ACAD11: variants seen among roughly 807,000 people sequenced by gnomAD.
ACAD11 encodes acyl-CoA dehydrogenase family member 11.
Under a neutral mutation model 102.2 loss-of-function variants are expected in ACAD11, and 83 were observed. The ratio of observed to expected loss-of-function variants is 0.81; its 90% CI spans 0.68 to 0.97. ACAD11 has a LOEUF of 0.97. Among genes scored for constraint, ACAD11 ranks in the 50% least tolerant of loss-of-function variants. ACAD11 has a pLI of 0.00. For synonymous variants in ACAD11, 324 were observed against 319.8 expected (o/e 1.01, Z -0.14); for missense variants, 901 against 951.7 (o/e 0.95, Z 0.70).
chr3:132,585,853 G>A (rs574359362), intron 13 of ACAD11, among the ~76,000 whole-genome samples: 1,881 of 152,284 alleles, frequency 0.012, 38 homozygotes, highest in African/African-American at 0.043. Flanking sequence ...AGGTGCTGGA[G>A]AGGATGTGGA....
At chr3:132,621,568 C>G (rs943433316) in intron 9 of ACAD11, among the ~76,000 whole-genome samples, 1 of 152,012 alleles carries the variant, frequency 6.6e-6, no homozygotes, top group African/African-American at 2.4e-5. Flanking sequence ...AAAAGATAAA[C>G]AAAGGAAAGG....
At chr3:132,605,825 C>T (rs1938814293) in intron 11 of ACAD11, among the ~76,000 whole-genome samples, 1 of 152,230 alleles carries the variant, frequency 6.6e-6, no homozygotes, top group Non-Finnish European at 1.5e-5. Context: ...TTACCTCTAA[C>T]ATTGCTCTTA....
intron 17 of ACAD11, among the ~76,000 whole-genome samples, chr3:132,571,485 GC>G (rs1056780015): frequency 3.6e-4 from 55 of 151,888 alleles, no homozygotes; most frequent in African/African-American, 9.9e-4. Context: ...CTTTTGCCGT[GC>G]AGAAGCTCGT....
intron 13 of ACAD11, among the ~76,000 whole-genome samples, chr3:132,585,640 A>G (rs1393411099): frequency 6.6e-6 from 1 of 152,224 alleles, no homozygotes; most frequent in Non-Finnish European, 1.5e-5. Flanking sequence ...AAACAAATTT[A>G]CAAGAAAAAA....
intron 10 of ACAD11, chr3:132,619,076 T>C (rs1443207322): frequency 6.3e-6 from 2 of 315,882 alleles, no homozygotes; most frequent in East Asian, 1.1e-4. Flanking sequence ...CACATTTGAG[T>C]ATGATATGCC....
At chr3:132,562,296 G>A (rs1003612597) in intron 17 of ACAD11, among the ~76,000 whole-genome samples, 1 of 152,072 alleles carries the variant, frequency 6.6e-6, no homozygotes, top group African/African-American at 2.4e-5. Flanking sequence ...GTAGAGACAG[G>A]GTTTCACCAT....
intron 13 of ACAD11, among the ~76,000 whole-genome samples, chr3:132,587,974 C>T (rs1452208553): frequency 6.6e-6 from 1 of 152,122 alleles, no homozygotes; most frequent in East Asian, 1.9e-4. Context: ...CCTCATTTCC[C>T]AGCAGTGATG....
chr3:132,610,063 T>C (rs1265216619), intron 11 of ACAD11, among the ~76,000 whole-genome samples: 1 of 152,142 alleles, frequency 6.6e-6, no homozygotes, highest in East Asian at 1.9e-4. Context: ...AAAAGGCCTC[T>C]GATAAAATTA....
chr3:132,626,619 A>G (rs1939823245), intron 9 of ACAD11, 72 bp downstream of exon 9: 3 of 1,552,038 alleles, frequency 1.9e-6, no homozygotes, highest in Admixed American at 3.4e-5. Context: ...TGCTTCTCCT[A>G]TAAGCAGAAA....
At chr3:132,603,736 C>T (rs1403387466) in intron 12 of ACAD11, among the ~76,000 whole-genome samples, 2 of 152,194 alleles carry the variant, frequency 1.3e-5, no homozygotes, top group African/African-American at 4.8e-5. Context: ...TTCTAATGTG[C>T]CTTGCAAATT....
chr3:132,650,739 C>T (rs1940898582), intron 1 of ACAD11, among the ~76,000 whole-genome samples: 1 of 152,116 alleles, frequency 6.6e-6, no homozygotes, highest in African/African-American at 2.4e-5. Context: ...CCAATACATA[C>T]CTACAACTTC....
At chr3:132,566,602 A>G (rs1937220498) in intron 17 of ACAD11, among the ~76,000 whole-genome samples, 1 of 152,146 alleles carries the variant, frequency 6.6e-6, no homozygotes, top group African/African-American at 2.4e-5. Flanking sequence ...CCTTACCTAT[A>G]GCAGGGATAT....
At chr3:132,616,628 A>AT (rs1056814795) in intron 11 of ACAD11, among the ~76,000 whole-genome samples, 11 of 152,208 alleles carry the variant, frequency 7.2e-5, no homozygotes, top group African/African-American at 2.7e-4. Context: ...ACACCTATAT[A>AT]TTCTACAAAT....
Position 132,575,764 on chromosome 3 carries a change from G to T in ACAD11, c.2001+8C>A. 1 of 1,613,616 alleles carries T rather than the reference G, an allele frequency of 6.2e-7. No homozygotes were observed. The highest frequency in any genetic ancestry group is 8.5e-7 in the Non-Finnish European group (1 of 1,179,718). ...CTACAATAAATTCAAATAAGTAATC[G>T]TCCTCACATGTGCATACAACTTCTT... On this transcript the variant is annotated splice_region_variant and intron_variant, in intron 17 of 19. Transcript: ENST00000264990.
At chr3:132,633,242 C>T (rs1445696932) in intron 5 of ACAD11, among the ~76,000 whole-genome samples, 3 of 152,098 alleles carry the variant, frequency 2.0e-5, no homozygotes, top group Non-Finnish European at 4.4e-5. Flanking sequence ...TTTTGAGATA[C>T]GTCCCATCGA....
intron 17 of ACAD11, chr3:132,561,446 T>G (rs922438539): frequency 6.1e-6 from 3 of 493,854 alleles, no homozygotes; most frequent in African/African-American, 5.9e-5. Flanking sequence ...TAGAAAGAAA[T>G]TTTATTTTCC....
intron 11 of ACAD11, among the ~76,000 whole-genome samples, chr3:132,610,220 C>G (rs1392665161): frequency 1.3e-5 from 2 of 151,912 alleles, no homozygotes; most frequent in Non-Finnish European, 1.5e-5. Flanking sequence ...GGGACACATT[C>G]AAAGCAGTAT....
At chr3:132,630,676 CA>C in intron 6 of ACAD11, 118 bp from the exon 7 acceptor site, 1 of 773,522 alleles carries the variant, frequency 1.3e-6, no homozygotes, top group South Asian at 2.8e-5. Context: ...GCCCTTACAA[CA>C]AAACATGTTC....
intron 11 of ACAD11, among the ~76,000 whole-genome samples, chr3:132,613,371 TATA>T (rs1421212654): frequency 2.6e-5 from 4 of 151,530 alleles, no homozygotes; most frequent in South Asian, 2.1e-4. Flanking sequence ...AAACTTTAAG[TATA>T]ATAATAATAA....
Sources: gnomAD v4.1 joint callset for allele counts (sites outside exome capture counted in the v4.1 genomes callset) on GRCh38, gnomAD v4.1.1 for gene constraint, MANE v1.5 for transcripts, NCBI Gene and HGNC (gene_info 2026-07-23, HGNC 2026-07-21) for gene names.